The following TTN variants were observed in gnomAD, a reference collection of about 807,000 sequenced individuals.
TTN encodes the protein titin.
A neutral mutation model predicts 3,223.0 loss-of-function variants in TTN; 1,525 were observed. The ratio of observed to expected loss-of-function variants is 0.47; its 90% CI spans 0.45 to 0.49. The LOEUF (loss-of-function observed/expected upper bound fraction) is 0.49. Ranked by LOEUF, TTN falls within the 20% of genes least tolerant of loss-of-function variation. TTN has a pLI of 0.00. For missense variants in TTN, 40,786 were observed against 43,424.0 expected (o/e 0.94, Z 5.40); for synonymous variants, 14,094 against 15,161.0 (o/e 0.93, Z 5.17).
At position 178,609,934 on chromosome 2, in the gene TTN, T is replaced by C; in HGVS notation, c.51489A>G (p.Ala17163=). Residue 17163 remains alanine (A), a synonymous_variant, in exon 272 of 363, where the codon GCA becomes GCG. Coordinates refer to ENST00000589042, the MANE Select transcript of TTN (RefSeq NM_001267550.2). The part of the protein sequence containing the change: ...DVEVHNPTAE[A]MTITWKPPLY... ...AAGGTGGCTTCCATGTAATAGTCAT[T>C]GCCTCCGCTGTAGGATTATGAACCT... The C allele has an allele frequency of 6.2e-7, 1 of 1,612,924 alleles. No homozygotes were observed. The highest frequency in any genetic ancestry group is 8.5e-7 in the Non-Finnish European group (1 of 1,179,262).
chr2:178,639,570 C>T (rs2060951385), intron 223 of TTN, 129 bp downstream of exon 223: 1 of 952,610 alleles, frequency 1.0e-6, no homozygotes, highest in Non-Finnish European at 1.6e-6. Flanking sequence ...TAGAAACTTA[C>T]CATAAACCTC....
Position 178,756,798 on chromosome 2 carries a change from C to A in TTN, c.10679-1G>T. ...GAACTTTGCCTATCTAGGGCTTGCA[C>A]TGTATAATCAAGTGACAAGAAAAAG... On this transcript the variant is annotated splice_acceptor_variant, in intron 45 of 362. Transcript: ENST00000589042. LOFTEE classifies it high-confidence loss of function. 1.2e-6 allele frequency: 2 copies of A among 1,612,598 alleles called. No individual in the cohort carries two copies. Among genetic ancestry groups the A allele is most frequent in the South Asian group, 1.1e-5 (1 of 90,896 alleles).
chr2:178,682,951 A>T (rs1315442712), intron 134 of TTN, 48 bp from the exon 135 acceptor site: 1 of 1,461,256 alleles, frequency 6.8e-7, no homozygotes. Flanking sequence ...AAGCACTTTT[A>T]AGGATGACTG....
chr2:178,705,030 C>A, intron 103 of TTN, 64 bp from the exon 104 acceptor site: 1 of 1,586,814 alleles, frequency 6.3e-7, no homozygotes, highest in Non-Finnish European at 8.6e-7. Flanking sequence ...GGACGCATGA[C>A]TATATTCAGC....
At chr2:178,753,394 G>T in intron 46 of TTN, 1 of 437,642 alleles carries the variant, frequency 2.3e-6, no homozygotes, top group South Asian at 3.3e-5. Flanking sequence ...TTTATTTTAG[G>T]TTCTTCATGA....
At chr2:178,719,485 G>C (rs2154300097) in intron 82 of TTN, 34 bp from the exon 83 acceptor site, 1 of 1,594,874 alleles carries the variant, frequency 6.3e-7, no homozygotes, top group East Asian at 2.2e-5. Flanking sequence ...CGTTTAAAGA[G>C]AAGTTTTATT....
At chr2:178,713,019 A>G (rs975131908) in intron 93 of TTN, 44 bp from the exon 94 acceptor site, 8 of 1,605,086 alleles carry the variant, frequency 5.0e-6, no homozygotes, top group Non-Finnish European at 6.8e-6. Flanking sequence ...GTATTTGTGA[A>G]TTGTTATGAC....
chr2:178,689,296 G>T lies in TTN; in HGVS notation c.32005C>A (p.Pro10669Thr), dbSNP rs945424720. Residue 10669 changes from proline to threonine, a missense_variant, in exon 124 of 363, where the codon CCA (proline) becomes ACA (threonine). Physicochemically the swap from Pro to Thr is conservative, Grantham distance 38. Transcript: ENST00000589042. ...PRKEEEVPPPPKVPALPKKPV... is the reference protein window; with the variant it reads ...PRKEEEVPPPTKVPALPKKPV... ...GAAGATGGAGAAACAATACCTTTTG[G>T]TGGTGGTGGAACTTCTTCCTCCTTC... is the stretch of plus-strand genomic sequence containing the variant. The T allele has an allele frequency of 6.2e-7, 1 of 1,611,502 alleles. No homozygotes were observed. The highest frequency in any genetic ancestry group is 1.1e-5 in the South Asian group (1 of 90,432).
chr2:178,547,402 C>A lies in TTN; in HGVS notation c.94219+5G>T. The A allele has an allele frequency of 6.3e-7, 1 of 1,586,374 alleles. No individual in the cohort carries two copies. Among genetic ancestry groups the A allele is most frequent in the Non-Finnish European group, 8.6e-7 (1 of 1,166,182 alleles). On this transcript the variant is annotated splice_donor_5th_base_variant and intron_variant, in intron 339 of 362. Transcript: ENST00000589042. ...ACTTTGAAATAGGATTTTTATTTTT[C>A]TTACCAAATGGATGTTCAGCAATTA...
chr2:178,727,575 A>C lies in TTN; in HGVS notation c.19993+10T>G. On this transcript the variant is annotated intron_variant, in intron 68 of 362. Coordinates refer to ENST00000589042, the MANE Select transcript of TTN (RefSeq NM_001267550.2). ...TCAGACAGAAACATAAAGGAATCAA[A>C]TTTGCACACCTGTCACAAGCAACAT... 3.2e-6 allele frequency: 5 copies of C among 1,549,918 alleles called. No homozygotes were observed. Among genetic ancestry groups the C allele is most frequent in the Non-Finnish European group, 4.3e-6 (5 of 1,150,388 alleles).
rs72648212 is a variant in TTN at position 178,565,027 on chromosome 2, G to T, written c.81105C>A (p.Thr27035=). 6.6e-4 allele frequency: 1,063 copies of T among 1,613,356 alleles called. 3 individuals carry two copies. Among genetic ancestry groups the T allele is most frequent in the Admixed American group, 8.8e-4 (53 of 59,930 alleles). ...GGTACTCCGTGCCTGTTTTCAGTTT[G>T]GTTATTTTAATTGTTGTTCTTGCAA... ...ATVARTTIKI[T]KLKTGTEYQF... The change falls in exon 326 of 363, where the codon ACC becomes ACA. Residue 27035 remains threonine, a synonymous_variant. Transcript: ENST00000589042.
rs888213772 is a variant in TTN at position 178,679,690 on chromosome 2, G to C, written c.33581-8C>G. ...TCCTGGGTACCTCAGGCACTTTAAA[G>C]ATATTATTAAGAATGTTGGAAATTT... On this transcript the variant is annotated splice_region_variant and splice_polypyrimidine_tract_variant and intron_variant, in intron 140 of 362. Transcript: ENST00000589042. 1.9e-6 allele frequency: 3 copies of C among 1,601,866 alleles called. No individual in the cohort carries two copies. Among genetic ancestry groups the C allele is most frequent in the African/African-American group, 1.4e-5 (1 of 73,898 alleles).
Position 178,783,596 on chromosome 2 carries a change from G to A in TTN, c.2841+124C>T, listed in dbSNP as rs1295624601. On this transcript the variant is annotated intron_variant, in intron 17 of 362. Coordinates refer to ENST00000589042, the MANE Select transcript of TTN (RefSeq NM_001267550.2). ...TCCAGACCAAATACGGTCTTAAAAT[G>A]AGCATCTGTAAGCTCACTAATGTCA... The A allele has an allele frequency of 8.2e-6, 7 of 849,216 alleles. No homozygotes were observed. The African/African-American group carries it at 1.2e-4, about 14-fold the overall frequency. 52.6% of individuals were successfully genotyped at this position (849,216 alleles called of 1,614,324 possible).
Position 178,769,862 on chromosome 2 carries a change from G to T in TTN, c.8719C>A (p.His2907Asn). ...AGCCACATGGAAGGGACATTGAAGTGGGACACCTCACACTCAAAAGAGGCA... is the reference window on the plus strand; with the variant it reads ...AGCCACATGGAAGGGACATTGAAGTTGGACACCTCACACTCAAAAGAGGCA... ...KTASFECEVS[H>N]FNVPSMWLKN... The change falls in exon 37 of 363, where the codon CAC becomes AAC. Residue 2907 changes from histidine (H) to asparagine (N), a missense_variant. Coordinates refer to ENST00000589042, the MANE Select transcript of TTN (RefSeq NM_001267550.2). 6.2e-7 allele frequency: 1 copy of T among 1,614,012 alleles called. No homozygotes were observed. The highest frequency in any genetic ancestry group is 2.2e-5 in the East Asian group (1 of 44,856).
rs765041581 is a variant in TTN at position 178,592,679 on chromosome 2, A to C, written c.59345-19T>G. ...GGGGGTTCTAGAATAAAGAGAACAG[A>C]ACACTCAGATTTGATCCATAATGCA... On this transcript the variant is annotated intron_variant, in intron 300 of 362. Coordinates refer to ENST00000589042, the MANE Select transcript of TTN (RefSeq NM_001267550.2). 1.9e-6 allele frequency: 3 copies of C among 1,612,156 alleles called. No homozygotes were observed. Among genetic ancestry groups the C allele is most frequent in the Non-Finnish European group, 2.5e-6 (3 of 1,179,160 alleles).
intron 78 of TTN, among the ~76,000 whole-genome samples, chr2:178,721,609 T>C (rs976125582): frequency 6.6e-6 from 1 of 152,016 alleles, no homozygotes; most frequent in African/African-American, 2.4e-5. Flanking sequence ...AAAACAACAT[T>C]TAACAAATTT....
Position 178,724,704 on chromosome 2 carries a change from G to C in TTN, c.20837-166C>G, listed in dbSNP as rs2079036074. On this transcript the variant is annotated intron_variant, in intron 71 of 362. Coordinates refer to ENST00000589042, the MANE Select transcript of TTN (RefSeq NM_001267550.2). ...AATTACATGCAGTCATAGAATTATA[G>C]CTATTTTTTATTTTAATATTTTTTC... is the stretch of plus-strand genomic sequence containing the variant. 3 of 614,862 alleles carry C rather than the reference G, an allele frequency of 4.9e-6. No individual in the cohort carries two copies. In the East Asian group the frequency reaches 1.0e-4, roughly 21 times the overall value. The allele number at this position is 614,862 out of a possible 1,614,324, so 38.1% of individuals were successfully genotyped here. A position where few individuals can be genotyped will look rare whatever the true frequency, so the allele number is the denominator to read the frequency against.
chr2:178,539,691 C>A lies in TTN; in HGVS notation c.98374G>T (p.Val32792Leu). 6.2e-7 allele frequency: 1 copy of A among 1,613,736 alleles called. No homozygotes were observed. The highest frequency in any genetic ancestry group is 8.5e-7 in the Non-Finnish European group (1 of 1,179,808). ...TCTGGACTGTTGGGACTTCCTATCACCCTGACCTTGATGTAGACAGCCTTC... is the reference window on the plus strand; with the variant it reads ...TCTGGACTGTTGGGACTTCCTATCAACCTGACCTTGATGTAGACAGCCTTC... Reference protein sequence around the residue: ...GKKAVYIKVRVIGSPNSPEGP... With the variant: ...GKKAVYIKVRLIGSPNSPEGP... Residue 32792 changes from valine to leucine, a missense_variant, in exon 352 of 363, where the codon GTG becomes TTG. Physicochemically the swap from Val to Leu is conservative, Grantham distance 32 (BLOSUM62 1). Coordinates refer to ENST00000589042, the MANE Select transcript of TTN (RefSeq NM_001267550.2).
Position 178,536,557 on chromosome 2 carries a change from C to G in TTN, c.100190G>C (p.Gly33397Ala). Residue 33397 changes from glycine to alanine, a missense_variant, in exon 357 of 363, where the codon GGC (glycine) becomes GCC (alanine). Transcript: ENST00000589042. Reference sequence around the variant, plus strand: ...TGTGACAGCAGTAATAGTTGGTTTGCCAGGAGCACCTGGCTTTTCTATTAA... The same window carrying G: ...TGTGACAGCAGTAATAGTTGGTTTGGCAGGAGCACCTGGCTTTTCTATTAA... ...KSPFEKPGAPGKPTITAVTKD... is the reference protein window; with the variant it reads ...KSPFEKPGAPAKPTITAVTKD... 6.7e-7 allele frequency: 1 copy of G among 1,495,246 alleles called. No individual in the cohort carries two copies. Among genetic ancestry groups the G allele is most frequent in the Non-Finnish European group, 8.9e-7 (1 of 1,127,110 alleles). The allele number at this position is 1,495,246 out of a possible 1,614,324, so 92.6% of individuals were successfully genotyped here.
Sources: allele counts gnomAD v4.1 joint callset (sites outside exome capture counted in the v4.1 genomes callset), GRCh38; gene constraint gnomAD v4.1.1; transcripts MANE v1.5; gene names NCBI Gene and HGNC (gene_info 2026-07-23, HGNC 2026-07-21).